The following DCAF5 variants were observed in gnomAD, a reference collection of about 807,000 sequenced individuals.
The protein encoded by DCAF5 is DDB1- and CUL4-associated factor 5.
A neutral mutation model predicts 80.7 loss-of-function variants in DCAF5; 9 were observed. The observed-to-expected ratio is 0.11, with a 90% CI of 0.07 to 0.19. The LOEUF (loss-of-function observed/expected upper bound fraction) is 0.19, where lower values mean the gene tolerates loss of function less well. Ranked by LOEUF, DCAF5 falls within the 10% of genes least tolerant of loss-of-function variation. The pLI, the probability that DCAF5 is intolerant of heterozygous loss-of-function variation, is 1.00. For synonymous variants in DCAF5, 433 were observed against 461.9 expected (o/e 0.94, Z 0.80); for missense variants, 842 against 1,205.7 (o/e 0.70, Z 4.47).
intron 1 of DCAF5, among the ~76,000 whole-genome samples, chr14:69,143,478 G>A (rs2041436515): frequency 6.6e-6 from 1 of 150,444 alleles, no homozygotes; most frequent in South Asian, 2.1e-4. Context: ...CATATGCCTG[G>A]CACATGAAAT....
In DCAF5 at chr14:69,122,241, C is replaced by T. The variant is rs1196501756; in HGVS notation, c.334G>A (p.Gly112Arg). The part of the protein sequence containing the change: ...SNIFCLAFNS[G>R]NTKVFSGGND... ...CCTCCAGAGAACACTTTAGTGTTCC[C>T]ACTGTTGAAAGCCAGGCAAAAAATG... is the stretch of plus-strand genomic sequence containing the variant. Residue 112 changes from glycine to arginine, a missense_variant, in exon 2 of 9, where the codon GGG becomes AGG. Gly to Arg is a moderately radical substitution (Grantham distance 125, BLOSUM62 -2). Transcript: ENST00000341516. 2 of 1,613,712 alleles carry T rather than the reference C, an allele frequency of 1.2e-6. No homozygotes were observed. Among genetic ancestry groups the T allele is most frequent in the African/African-American group, 1.3e-5 (1 of 74,906 alleles).
In DCAF5 at chr14:69,122,022, A is replaced by C. The variant is rs117425603; in HGVS notation, c.358+195T>G. Among the ~76,000 whole-genome samples the C allele has an allele frequency of 7.1e-3, 1,085 of 152,302 alleles. 6 individuals are homozygous for C. Among genetic ancestry groups the C allele is most frequent in the Middle Eastern group, 0.034 (10 of 294 alleles). On this transcript the variant is annotated intron_variant, in intron 2 of 8. Transcript: ENST00000341516. ...AAAAAGACAGGTGAAGAAAAGCAAA[A>C]AAAAGAGAAGAGAGAAAAGACACAC...
intron 5 of DCAF5, among the ~76,000 whole-genome samples, chr14:69,098,898 AAAAAAAAAAAAAAAAAAGAAAAG>A (rs1442484154): frequency 2.8e-5 from 2 of 70,424 alleles, no homozygotes; most frequent in East Asian, 2.6e-3. Context: ...GTCTCCAAAA[AAAAAAAAAAAAAAAAAAGAAAAG>A]AAAAAAAAGA....
intron 1 of DCAF5, among the ~76,000 whole-genome samples, chr14:69,138,910 T>C (rs761921026): frequency 3.3e-5 from 5 of 151,924 alleles, no homozygotes; most frequent in Non-Finnish European, 5.9e-5. Context: ...CTCTGGGAAG[T>C]TGAGGTGGGT....
intron 5 of DCAF5, among the ~76,000 whole-genome samples, chr14:69,110,853 G>A (rs1270348000): frequency 7.6e-6 from 1 of 131,166 alleles, no homozygotes; most frequent in Non-Finnish European, 1.5e-5. Context: ...CTCCAGCCTG[G>A]GCAACAGACC....
intron 2 of DCAF5, among the ~76,000 whole-genome samples, chr14:69,120,560 A>G (rs2040688496): frequency 6.6e-6 from 1 of 152,172 alleles, no homozygotes; most frequent in Non-Finnish European, 1.5e-5. Flanking sequence ...AAAAATTAAA[A>G]CCTGAATATA....
intron 1 of DCAF5, among the ~76,000 whole-genome samples, chr14:69,125,041 AGAT>A (rs1887034022): frequency 6.6e-6 from 1 of 152,234 alleles, no homozygotes; most frequent in African/African-American, 2.4e-5. Context: ...TTGGTTTTAT[AGAT>A]GATAAAGCCA....
chr14:69,077,042 G>A (rs1459904456), intron 6 of DCAF5, among the ~76,000 whole-genome samples: 1 of 152,200 alleles, frequency 6.6e-6, no homozygotes, highest in Non-Finnish European at 1.5e-5. Context: ...ACTCATAAAA[G>A]TATTGTCTAA....
intron 7 of DCAF5, among the ~76,000 whole-genome samples, chr14:69,070,875 G>A (rs1219178259): frequency 6.6e-6 from 1 of 151,346 alleles, no homozygotes; most frequent in Admixed American, 6.6e-5. Flanking sequence ...TCGGCTCAGT[G>A]CAACCTCTCC....
rs2038253661 is a variant in DCAF5, at chr14:69,062,439, C to T, written c.1019G>A (p.Arg340Gln). The T allele has an allele frequency of 1.2e-6, 2 of 1,614,020 alleles. No individual in the cohort carries two copies. Among genetic ancestry groups the T allele is most frequent in the Admixed American group, 1.7e-5 (1 of 60,004 alleles). Residue 340 changes from arginine to glutamine, a missense_variant, in exon 8 of 9, where the codon CGA becomes CAA. Arg to Gln is a conservative substitution (Grantham distance 43). Coordinates refer to ENST00000341516, the MANE Select transcript of DCAF5 (RefSeq NM_003861.3). ...GATCATGTAGGTGTGGGGATTAAAT[C>T]GGACTTGGTTAACAATAGATCGATG... ...KGHRSIVNQVRFNPHTYMICS... is the reference protein window; with the variant it reads ...KGHRSIVNQVQFNPHTYMICS...
chr14:69,084,521 G>T (rs1315163691), intron 6 of DCAF5: 6 of 765,022 alleles, frequency 7.8e-6, no homozygotes, highest in Non-Finnish European at 1.4e-5. Context: ...TCTGAAAAAG[G>T]AGCCATTGTA....
chr14:69,136,544 TA>T (rs1442662364), intron 1 of DCAF5, among the ~76,000 whole-genome samples: 5 of 152,240 alleles, frequency 3.3e-5, no homozygotes, highest in Admixed American at 1.3e-4. Context: ...TATTTTTTTT[TA>T]ATTTTGGAAA....
chr14:69,140,066 G>T (rs2041318568), intron 1 of DCAF5, among the ~76,000 whole-genome samples: 1 of 151,986 alleles, frequency 6.6e-6, no homozygotes, highest in African/African-American at 2.4e-5. Flanking sequence ...AGGAGATCGA[G>T]ACTAGCCTGG....
chr14:69,149,633 T>C (rs1372543789), intron 1 of DCAF5: 1 of 152,232 alleles, frequency 6.6e-6, no homozygotes, highest in Non-Finnish European at 1.5e-5. Flanking sequence ...TTACCAGAAA[T>C]GTGAGCCTGC....
intron 2 of DCAF5, 145 bp downstream of exon 2, chr14:69,122,072 G>T: frequency 1.0e-6 from 1 of 956,224 alleles, no homozygotes; most frequent in Non-Finnish European, 1.6e-6. Context: ...TAATACTGCT[G>T]TAATGCAGAA....
rs1180535062 is a variant in DCAF5 at position 69,114,175 on chromosome 14, G to T, written c.665+2191C>A. Among the ~76,000 whole-genome samples the T allele has an allele frequency of 2.0e-5, 3 of 152,180 alleles. No individual in the cohort carries two copies. The East Asian group carries it at 5.8e-4, about 29-fold the overall frequency. On this transcript the variant is annotated intron_variant, in intron 5 of 8. Coordinates refer to ENST00000341516, the MANE Select transcript of DCAF5 (RefSeq NM_003861.3). ...GCCTTTGGTGGTGGGGCTACAATTT[G>T]ACAGTTTCTATCAAAAGTTTAAAAA... is the stretch of plus-strand genomic sequence containing the variant.
intron 6 of DCAF5, chr14:69,084,152 C>A: frequency 1.1e-6 from 1 of 871,334 alleles, no homozygotes; most frequent in Non-Finnish European, 2.0e-6. Flanking sequence ...TATTCTCTCA[C>A]CTACTAGAGA....
intron 1 of DCAF5, among the ~76,000 whole-genome samples, chr14:69,151,597 C>T (rs768727869): frequency 5.3e-5 from 8 of 152,124 alleles, no homozygotes; most frequent in Non-Finnish European, 7.4e-5. Context: ...CCGTCTTCAC[C>T]CCCCCTCCCC....
At chr14:69,114,762 C>A (rs1018296179) in intron 5 of DCAF5, among the ~76,000 whole-genome samples, 4 of 152,036 alleles carry the variant, frequency 2.6e-5, no homozygotes, top group African/African-American at 9.7e-5. Flanking sequence ...ACTTTCAATT[C>A]TTTTAACAAG....
Sources: gnomAD v4.1 joint callset for allele counts (sites outside exome capture counted in the v4.1 genomes callset) on GRCh38, gnomAD v4.1.1 for gene constraint, MANE v1.5 for transcripts, NCBI Gene and HGNC (gene_info 2026-07-23, HGNC 2026-07-21) for gene names.